GRB10: variants seen among roughly 807,000 people sequenced by gnomAD.
GRB10 encodes growth factor receptor-bound protein 10.
Under a neutral mutation model 80.9 loss-of-function variants are expected in GRB10, and 20 were observed. The ratio of observed to expected loss-of-function variants is 0.25; its 90% CI spans 0.17 to 0.36. The LOEUF (loss-of-function observed/expected upper bound fraction) is 0.36. Ranked by LOEUF, GRB10 falls within the 10% of genes least tolerant of loss-of-function variation. The pLI, the probability that GRB10 is intolerant of heterozygous loss-of-function variation, is 1.00. For synonymous variants in GRB10, 291 were observed against 291.5 expected (o/e 1.00, Z 0.02); for missense variants, 548 against 747.7 (o/e 0.73, Z 3.12).
intron 4 of GRB10, among the ~76,000 whole-genome samples, chr7:50,718,574 C>T (rs2067233935): frequency 1.3e-5 from 2 of 152,148 alleles, no homozygotes; most frequent in Admixed American, 1.3e-4. Context: ...AACTCAGGGA[C>T]TCTCCAGCCT....
chr7:50,648,953 T>C (rs2057632099), intron 7 of GRB10, among the ~76,000 whole-genome samples: 1 of 152,166 alleles, frequency 6.6e-6, no homozygotes, highest in Non-Finnish European at 1.5e-5. Flanking sequence ...CAGCTGCCTC[T>C]TCTTCCTGCT....
intron 4 of GRB10, chr7:50,727,008 G>A (rs2068760109): frequency 1.3e-5 from 2 of 152,178 alleles, no homozygotes; most frequent in Admixed American, 6.5e-5. Flanking sequence ...GCATTGGCAG[G>A]AGAGAAAATC....
chr7:50,789,783 A>G (rs1305017600), intron 1 of GRB10, among the ~76,000 whole-genome samples: 1 of 152,188 alleles, frequency 6.6e-6, no homozygotes, highest in African/African-American at 2.4e-5. Flanking sequence ...TAGAGTCACT[A>G]TATCCTAAAA....
At chr7:50,667,486 G>A (rs545141908) in intron 7 of GRB10, among the ~76,000 whole-genome samples, 1 of 152,222 alleles carries the variant, frequency 6.6e-6, no homozygotes, top group African/African-American at 2.4e-5. Context: ...GGCAAGGAAT[G>A]GAGCCAAAGC....
intron 2 of GRB10, among the ~76,000 whole-genome samples, chr7:50,772,465 C>G (rs2077084034): frequency 6.6e-6 from 1 of 152,210 alleles, no homozygotes; most frequent in Non-Finnish European, 1.5e-5. Flanking sequence ...AATTCCACAG[C>G]AAACATCATA....
intron 7 of GRB10, among the ~76,000 whole-genome samples, chr7:50,666,767 G>A (rs555670337): frequency 2.6e-4 from 40 of 152,080 alleles, no homozygotes; most frequent in Non-Finnish European, 4.9e-4. Flanking sequence ...AGGGCCAGGC[G>A]CAGTGGCTCA....
At chr7:50,779,567 G>C in intron 2 of GRB10, 1 of 152,248 alleles carries the variant, frequency 6.6e-6, no homozygotes, top group Middle Eastern at 3.4e-3. Flanking sequence ...AACAGATGAC[G>C]GAGACAGACT....
chr7:50,779,345 T>A (rs1411138853), intron 2 of GRB10: 3 of 152,188 alleles, frequency 2.0e-5, no homozygotes, highest in Non-Finnish European at 4.4e-5. Flanking sequence ...CCCAGGAGAT[T>A]CCCATGCATA....
At chr7:50,678,939 T>C (rs1004748578) in intron 5 of GRB10, among the ~76,000 whole-genome samples, 7 of 152,368 alleles carry the variant, frequency 4.6e-5, no homozygotes, top group African/African-American at 1.7e-4. Flanking sequence ...AGATTGTCTA[T>C]TTAATGTTAA....
At chr7:50,667,599 C>G (rs560090880) in intron 7 of GRB10, among the ~76,000 whole-genome samples, 1 of 151,674 alleles carries the variant, frequency 6.6e-6, no homozygotes, top group Non-Finnish European at 1.5e-5. Flanking sequence ...AGAAAACACA[C>G]TTTTCATGAG....
chr7:50,737,887 C>T (rs544631590), intron 3 of GRB10, among the ~76,000 whole-genome samples: 14 of 152,062 alleles, frequency 9.2e-5, no homozygotes, highest in Non-Finnish European at 1.9e-4. Flanking sequence ...AAAAAACAGA[C>T]GAATGCAATA....
intron 7 of GRB10, among the ~76,000 whole-genome samples, chr7:50,627,518 G>A (rs975507822): frequency 6.6e-6 from 1 of 152,142 alleles, no homozygotes. Flanking sequence ...GTGGAGTGGA[G>A]ATGAATTAAT....
At chr7:50,604,732 G>A (rs1585536940) in intron 15 of GRB10, among the ~76,000 whole-genome samples, 2 of 152,196 alleles carry the variant, frequency 1.3e-5, no homozygotes, top group African/African-American at 2.4e-5. Context: ...TGGACTCCCC[G>A]TGCTTGGGAC....
chr7:50,619,564 T>C (rs2051281833), intron 8 of GRB10, among the ~76,000 whole-genome samples: 1 of 152,226 alleles, frequency 6.6e-6, no homozygotes, highest in African/African-American at 2.4e-5. Flanking sequence ...CCCGTAAGAC[T>C]CTTAGCAAAT....
upstream of GRB10, among the ~76,000 whole-genome samples, chr7:50,783,112 GC>G (rs2078481345): frequency 2.6e-5 from 4 of 152,210 alleles, no homozygotes; most frequent in South Asian, 8.3e-4. Flanking sequence ...TACCCGCTAC[GC>G]CGCATTCGCA....
At chr7:50,671,634 C>T (rs1448063406) in intron 6 of GRB10, among the ~76,000 whole-genome samples, 1 of 152,230 alleles carries the variant, frequency 6.6e-6, no homozygotes, top group African/African-American at 2.4e-5. Context: ...GGCAAGGCGT[C>T]CAACTGAAAC....
At position 50,703,923 on chromosome 7, in the gene GRB10, C is replaced by A. The variant is rs1255942511; in HGVS notation, c.52-15G>T. 4 of 1,599,324 alleles carry A rather than the reference C, an allele frequency of 2.5e-6. No homozygotes were observed. In the South Asian group the frequency reaches 4.4e-5, roughly 18 times the overall value. The stretch of plus-strand genomic sequence containing the variant: ...TCCACCTTGTCCTAAAAAAACAGGA[C>A]CGCAGCAGAAAGGCTGTGAGTTCAC... On this transcript the variant is annotated splice_polypyrimidine_tract_variant and intron_variant, in intron 4 of 18. Coordinates refer to ENST00000401949, the MANE Select transcript of GRB10 (RefSeq NM_001350814.2).
intron 2 of GRB10, among the ~76,000 whole-genome samples, chr7:50,770,663 C>T (rs1367410822): frequency 6.6e-6 from 1 of 152,160 alleles, no homozygotes; most frequent in East Asian, 1.9e-4. Flanking sequence ...TAGCATAAGA[C>T]TGATTGCAGG....
intron 4 of GRB10, among the ~76,000 whole-genome samples, chr7:50,721,933 GGAA>G (rs1225725697): frequency 3.3e-5 from 5 of 152,344 alleles, no homozygotes; most frequent in South Asian, 4.1e-4. Flanking sequence ...GCCAAGAAAC[GGAA>G]GAAGAAGACA....
Sources: allele counts gnomAD v4.1 joint callset (sites outside exome capture counted in the v4.1 genomes callset), GRCh38; gene constraint gnomAD v4.1.1; transcripts MANE v1.5; gene names NCBI Gene and HGNC (gene_info 2026-07-23, HGNC 2026-07-21).